Variants in EPB41L4B observed in about 807,000 individuals in gnomAD.
EPB41L4B encodes erythrocyte membrane protein band 4.1 like 4B, also known as band 4.1-like protein 4B.
In EPB41L4B, 30 loss-of-function variants were observed where a neutral mutation model predicts 112.5. The ratio of observed to expected loss-of-function variants is 0.27; its 90% CI spans 0.20 to 0.36. The LOEUF is 0.36. EPB41L4B is among the 10% of genes least tolerant of loss of function. EPB41L4B has a pLI of 1.00. For missense variants in EPB41L4B, 1,024 were observed against 1,133.3 expected (o/e 0.90, Z 1.38); for synonymous variants, 408 against 439.7 (o/e 0.93, Z 0.90).
At chr9:109,251,215 T>C (rs2119007009) in intron 13 of EPB41L4B, among the ~76,000 whole-genome samples, 1 of 152,380 alleles carries the variant, frequency 6.6e-6, no homozygotes, top group East Asian at 1.9e-4. Flanking sequence ...GCCTCTACCT[T>C]TCCCACCCAC....
chr9:109,311,511 G>C (rs1837413509), intron 1 of EPB41L4B, among the ~76,000 whole-genome samples: 1 of 152,216 alleles, frequency 6.6e-6, no homozygotes, highest in African/African-American at 2.4e-5. Flanking sequence ...CCACAGGTGG[G>C]ACAGGACCCT....
chr9:109,243,623 A>G lies in EPB41L4B; in HGVS notation c.1404T>C (p.Asn468=). 6.2e-7 allele frequency: 1 copy of G among 1,614,202 alleles called. No homozygotes were observed. Among genetic ancestry groups the G allele is most frequent in the East Asian group, 2.2e-5 (1 of 44,888 alleles). ...CTGGAAGCACCAGCACTTACCTGAC[A>G]TTTGGAGAGTGAGGATGCCACCGGG... ...SQPRWHPHSP[N]VSYPLPSPVL... is the part of the protein sequence containing the mutation. Residue 468 remains asparagine, a synonymous_variant, in exon 15 of 26, where the codon AAT becomes AAC. Coordinates refer to ENST00000374566, the MANE Select transcript of EPB41L4B (RefSeq NM_019114.5).
At position 109,243,677 on chromosome 9, in the gene EPB41L4B, T is replaced by G; in HGVS notation, c.1350A>C (p.Gln450His). The G allele has an allele frequency of 6.2e-7, 1 of 1,614,136 alleles. No homozygotes were observed. ...TNPEVHNYQPQYHPNIHPSQP... is the reference protein window; with the variant it reads ...TNPEVHNYQPHYHPNIHPSQP... Reference sequence around the variant, plus strand: ...GGCTGGGATGGATATTAGGATGATATTGAGGCTAGAAATAAAACACCAAAC... The same window carrying G: ...GGCTGGGATGGATATTAGGATGATAGTGAGGCTAGAAATAAAACACCAAAC... The change falls in exon 15 of 26, where the codon CAA becomes CAC. Residue 450 changes from glutamine (Q) to histidine (H), a missense_variant. Gln to His is a conservative substitution (Grantham distance 24). Coordinates refer to ENST00000374566, the MANE Select transcript of EPB41L4B (RefSeq NM_019114.5).
intron 1 of EPB41L4B, among the ~76,000 whole-genome samples, chr9:109,315,273 T>C (rs1227530736): frequency 6.6e-6 from 1 of 152,082 alleles, no homozygotes; most frequent in Non-Finnish European, 1.5e-5. Context: ...TTTCACTGGC[T>C]GTGAAGAGAC....
chr9:109,319,162 C>A (rs1041683527), intron 1 of EPB41L4B, among the ~76,000 whole-genome samples: 6 of 152,250 alleles, frequency 3.9e-5, no homozygotes, highest in African/African-American at 1.4e-4. Flanking sequence ...GCACAGTGGG[C>A]GCCCGATTAA....
chr9:109,293,022 C>A (rs1836590484), intron 1 of EPB41L4B, among the ~76,000 whole-genome samples: 1 of 152,216 alleles, frequency 6.6e-6, no homozygotes, highest in Non-Finnish European at 1.5e-5. Flanking sequence ...GGACACTCCA[C>A]ACGAGCCCAC....
chr9:109,301,156 CCT>C (rs1333718164), intron 1 of EPB41L4B: 6 of 152,386 alleles, frequency 3.9e-5, no homozygotes, highest in South Asian at 2.1e-4. Context: ...GCCCCAACGC[CCT>C]GAGATCCTGC....
rs1330503591 is a variant in EPB41L4B at position 109,320,226 on chromosome 9, T to A, written c.221A>T (p.His74Leu). 13 of 1,327,034 alleles carry A rather than the reference T, an allele frequency of 9.8e-6. No individual in the cohort carries two copies. Among genetic ancestry groups the A allele is most frequent in the Non-Finnish European group, 1.3e-5 (13 of 1,034,994 alleles). 82.2% of individuals were successfully genotyped at this position (1,327,034 alleles called of 1,614,324 possible). Residue 74 changes from histidine to leucine, a missense_variant, in exon 1 of 26, where the codon CAC becomes CTC. Transcript: ENST00000374566. ...CTTGGCGGCGCCGGCGGCGGAGATGTGCACGGCCGCGCCGCCGGTGAGCAG... is the reference window on the plus strand; with the variant it reads ...CTTGGCGGCGCCGGCGGCGGAGATGAGCACGGCCGCGCCGCCGGTGAGCAG... ...GPLLTGGAAV[H>L]ISAAGAAKAT...
At chr9:109,179,753 A>G (rs1319315408) in intron 24 of EPB41L4B, among the ~76,000 whole-genome samples, 1 of 152,122 alleles carries the variant, frequency 6.6e-6, no homozygotes, top group African/African-American at 2.4e-5. Context: ...CTAATCCTGA[A>G]TCTTACCAGC....
At chr9:109,263,009 A>G in intron 6 of EPB41L4B, 41 bp downstream of exon 6, 1 of 1,388,232 alleles carries the variant, frequency 7.2e-7, no homozygotes, top group South Asian at 1.2e-5. Flanking sequence ...AATAAAAAGC[A>G]ATAACATTAA....
At chr9:109,299,012 C>T (rs891274970) in intron 1 of EPB41L4B, among the ~76,000 whole-genome samples, 5 of 152,160 alleles carry the variant, frequency 3.3e-5, no homozygotes, top group Admixed American at 2.0e-4. Flanking sequence ...AATGGGGTTA[C>T]ACATTTGCCA....
intron 15 of EPB41L4B, chr9:109,241,738 A>T (rs370443706): frequency 4.5e-5 from 73 of 1,614,094 alleles, no homozygotes; most frequent in Non-Finnish European, 5.2e-5. Context: ...CTGGTCGTGG[A>T]CATAATCAAA....
intron 5 of EPB41L4B, among the ~76,000 whole-genome samples, chr9:109,264,625 A>C (rs1010652610): frequency 6.6e-6 from 1 of 152,228 alleles, no homozygotes; most frequent in East Asian, 1.9e-4. Context: ...GATGAATGAC[A>C]CTTTTTGACT....
intron 25 of EPB41L4B, among the ~76,000 whole-genome samples, chr9:109,175,020 G>A (rs751318919): frequency 1.4e-5 from 2 of 148,014 alleles, no homozygotes; most frequent in African/African-American, 2.5e-5. Flanking sequence ...AGGTTCAAGC[G>A]ATTCTTCTGT....
intron 1 of EPB41L4B, among the ~76,000 whole-genome samples, chr9:109,307,502 C>T (rs1379260923): frequency 6.6e-6 from 1 of 152,150 alleles, no homozygotes; most frequent in Admixed American, 6.5e-5. Flanking sequence ...CAGCTTGGGC[C>T]CCTCCCTGGA....
At position 109,243,324 on chromosome 9, in the gene EPB41L4B, T is replaced by G. The variant is rs560607609; in HGVS notation, c.1409+294A>C. ...ACAAATTCTCAGGACAGAAAAATGT[T>G]ACTTAGAAATTTTCAGTAACATCTT... On this transcript the variant is annotated intron_variant, in intron 15 of 25. Coordinates refer to ENST00000374566, the MANE Select transcript of EPB41L4B (RefSeq NM_019114.5). Among the ~76,000 whole-genome samples, 9 of 150,374 alleles carry G rather than the reference T, an allele frequency of 6.0e-5. No homozygotes were observed. In the South Asian group the frequency reaches 1.9e-3, roughly 31 times the overall value.
chr9:109,297,562 C>T (rs549148057), intron 1 of EPB41L4B, among the ~76,000 whole-genome samples: 18 of 152,312 alleles, frequency 1.2e-4, no homozygotes, highest in African/African-American at 4.1e-4. Flanking sequence ...CGTCATGTGG[C>T]ACAGTCACGG....
intron 1 of EPB41L4B, among the ~76,000 whole-genome samples, chr9:109,288,617 G>C (rs1836394916): frequency 6.6e-6 from 1 of 151,088 alleles, no homozygotes; most frequent in Non-Finnish European, 1.5e-5. Context: ...CAGCTACTCG[G>C]GAGGCTGAGG....
At chr9:109,176,736 G>T in intron 24 of EPB41L4B, 40 bp from the exon 25 acceptor site, 1 of 1,610,488 alleles carries the variant, frequency 6.2e-7, no homozygotes, top group Non-Finnish European at 8.5e-7. Flanking sequence ...ATCTCAATTT[G>T]GGTTCCATTT....
Sources: allele counts gnomAD v4.1 joint callset (sites outside exome capture counted in the v4.1 genomes callset), GRCh38; gene constraint gnomAD v4.1.1; transcripts MANE v1.5; gene names NCBI Gene and HGNC (gene_info 2026-07-23, HGNC 2026-07-21).